Variants in TANK observed in about 807,000 individuals in gnomAD.
TANK encodes the protein TRAF family member-associated NF-kappa-B activator.
TANK carries 15 observed loss-of-function variants against 43.6 expected under a neutral mutation model. The observed-to-expected ratio is 0.34, with a 90% CI of 0.23 to 0.53. The LOEUF (loss-of-function observed/expected upper bound fraction) is 0.53, where lower values mean the gene tolerates loss of function less well. TANK is among the 20% of genes least tolerant of loss of function. The pLI is 0.94. For missense variants in TANK, 417 were observed against 498.6 expected, an observed-to-expected ratio of 0.84 and a Z score of 1.56; for synonymous variants, 162 against 178.2, an observed-to-expected ratio of 0.91 and a Z score of 0.73.
At chr2:161,179,983 G>T in intron 2 of TANK, 1 of 1,218,946 alleles carries the variant, frequency 8.2e-7, no homozygotes, top group Non-Finnish European at 1.0e-6. Flanking sequence ...CTCCTTTTCA[G>T]GTGATTGTGA....
intron 4 of TANK, chr2:161,207,248 A>G (rs1206687063): frequency 7.9e-6 from 2 of 253,400 alleles, no homozygotes; most frequent in Non-Finnish European, 1.2e-5. Context: ...AAGAGTGAAT[A>G]ATATTACATC....
chr2:161,224,643 G>T lies in TANK; in HGVS notation c.417G>T (p.Glu139Asp). The change falls in exon 6 of 8, where the codon GAG becomes GAT. Residue 139 changes from glutamate (E) to aspartate (D), a missense_variant. Coordinates refer to ENST00000392749, the MANE Select transcript of TANK (RefSeq NM_001199135.3). ...TTTTTTTTTTTAGGGGTAATATAGA[G>T]AAGACTTTCTGGGATCTGAAAGAAG... is the stretch of plus-strand genomic sequence containing the variant. ...SPLLHERGNI[E>D]KTFWDLKEEF... is the part of the protein sequence containing the mutation. 6.4e-7 allele frequency: 1 copy of T among 1,560,320 alleles called. No homozygotes were observed.
intron 6 of TANK, among the ~76,000 whole-genome samples, chr2:161,228,543 A>C (rs1483408489): frequency 6.6e-6 from 1 of 152,272 alleles, no homozygotes; most frequent in Admixed American, 6.5e-5. Flanking sequence ...CTCAAAAAAA[A>C]AAAAGTTAAT....
At chr2:161,152,465 C>T (rs1401250441) in intron 1 of TANK, among the ~76,000 whole-genome samples, 1 of 152,092 alleles carries the variant, frequency 6.6e-6, no homozygotes, top group African/African-American at 2.4e-5. Context: ...TGTCATTCTA[C>T]TATTTTCTGG....
chr2:161,221,696 A>AG (rs1425269731), intron 4 of TANK, among the ~76,000 whole-genome samples: 1 of 151,794 alleles, frequency 6.6e-6, no homozygotes, highest in Non-Finnish European at 1.5e-5. Flanking sequence ...TAACATGTTA[A>AG]GAGGTGCCTT....
intron 1 of TANK, among the ~76,000 whole-genome samples, chr2:161,137,505 C>T (rs182574448): frequency 5.8e-4 from 88 of 152,064 alleles, no homozygotes; most frequent in Middle Eastern, 3.4e-3. Flanking sequence ...GGAATGAGAG[C>T]CTTCTCCAAT....
At chr2:161,202,060 A>G (rs1424615690) in intron 2 of TANK, among the ~76,000 whole-genome samples, 1 of 152,160 alleles carries the variant, frequency 6.6e-6, no homozygotes, top group East Asian at 1.9e-4. Context: ...CCTTTAGGCA[A>G]TGTGCAAAGA....
intron 1 of TANK, among the ~76,000 whole-genome samples, chr2:161,164,051 A>C (rs1401364725): frequency 6.6e-6 from 1 of 152,200 alleles, no homozygotes; most frequent in Non-Finnish European, 1.5e-5. Context: ...AGTAGGATGC[A>C]GGCATTATGT....
At chr2:161,150,761 T>C (rs10209053) in intron 1 of TANK, among the ~76,000 whole-genome samples, 8,098 of 152,082 alleles carry the variant, frequency 0.053, 687 homozygotes, top group African/African-American at 0.18. Context: ...GAGCTAATTT[T>C]TGTATTTTTA....
At chr2:161,164,595 G>A (rs752588489) in intron 1 of TANK, among the ~76,000 whole-genome samples, 3 of 152,152 alleles carry the variant, frequency 2.0e-5, no homozygotes, top group Non-Finnish European at 4.4e-5. Flanking sequence ...TGAACTAAGT[G>A]CAGTATTTGG....
At chr2:161,207,266 A>G (rs991818464) in intron 4 of TANK, 2 of 317,892 alleles carry the variant, frequency 6.3e-6, no homozygotes, top group African/African-American at 4.5e-5. Context: ...ATCAATTATA[A>G]CTATATTTTT....
At position 161,201,065 on chromosome 2, in the gene TANK, A is replaced by C. The variant is rs1277050517; in HGVS notation, c.100-2422A>C. 6 of 976,816 alleles carry C rather than the reference A, an allele frequency of 6.1e-6. No individual in the cohort carries two copies. The African/African-American group carries it at 1.1e-4, about 17-fold the overall frequency. The allele number at this position is 976,816 out of a possible 1,614,324, so 60.5% of individuals were successfully genotyped here. A position where few individuals can be genotyped will look rare whatever the true frequency, so the allele number is the denominator to read the frequency against. ...CATTAGACAATTAGACTAGAATATT[A>C]TAACTGCTAAATACAAGTATGTGAA... On this transcript the variant is annotated intron_variant, in intron 2 of 7. Coordinates refer to ENST00000392749, the MANE Select transcript of TANK (RefSeq NM_001199135.3).
At chr2:161,161,028 G>T in intron 1 of TANK, 1 of 527,630 alleles carries the variant, frequency 1.9e-6, no homozygotes. Flanking sequence ...ACTTCCCAGA[G>T]GGTCACGGAG....
chr2:161,177,972 T>C (rs997571601), intron 1 of TANK, among the ~76,000 whole-genome samples: 1 of 152,122 alleles, frequency 6.6e-6, no homozygotes, highest in Non-Finnish European at 1.5e-5. Flanking sequence ...AGGGTATCCT[T>C]TCACACCCAC....
intron 4 of TANK, chr2:161,212,275 A>G: frequency 3.3e-6 from 2 of 601,198 alleles, no homozygotes; most frequent in South Asian, 7.4e-5. Flanking sequence ...TGGCCAGGCT[A>G]GTCTCAAATG....
chr2:161,232,994 A>T, intron 7 of TANK: 1 of 891,238 alleles, frequency 1.1e-6, no homozygotes, highest in Non-Finnish European at 1.6e-6. Flanking sequence ...TCTTAAAATG[A>T]GTTTTTTAAA....
chr2:161,181,644 G>A (rs1685432103), intron 2 of TANK, among the ~76,000 whole-genome samples: 1 of 152,026 alleles, frequency 6.6e-6, no homozygotes, highest in Non-Finnish European at 1.5e-5. Flanking sequence ...CACACTTTTA[G>A]CATCAAATCT....
chr2:161,229,321 C>T (rs1220777023), intron 6 of TANK, among the ~76,000 whole-genome samples: 2 of 152,058 alleles, frequency 1.3e-5, no homozygotes, highest in Non-Finnish European at 2.9e-5. Context: ...GTCTAATAAG[C>T]CTTTTCTGAG....
intron 1 of TANK, among the ~76,000 whole-genome samples, chr2:161,153,654 T>C: frequency 8.1e-6 from 1 of 123,006 alleles, no homozygotes; most frequent in East Asian, 2.6e-4. Context: ...TGCCCTGCAC[T>C]CCAGCCTGGG....
Sources: gnomAD v4.1 joint callset for allele counts (sites outside exome capture counted in the v4.1 genomes callset) on GRCh38, gnomAD v4.1.1 for gene constraint, MANE v1.5 for transcripts, NCBI Gene and HGNC (gene_info 2026-07-23, HGNC 2026-07-21) for gene names.